Variants in PLCD1 observed in about 807,000 individuals in gnomAD.
PLCD1 encodes the protein 1-phosphatidylinositol 4,5-bisphosphate phosphodiesterase delta-1.
In PLCD1, 71 loss-of-function variants were observed where a neutral mutation model predicts 87.4. The observed-to-expected ratio is 0.81, with a 90% confidence interval of 0.67 to 0.99. The LOEUF (loss-of-function observed/expected upper bound fraction) is 0.99. PLCD1 is among the 50% of genes least tolerant of loss of function. PLCD1 has a pLI of 0.00. For synonymous variants in PLCD1, 348 were observed against 399.2 expected (o/e 0.87, Z 1.53); for missense variants, 867 against 1,001.5 (o/e 0.87, Z 1.81).
Position 38,024,377 on chromosome 3 carries a change from C to G in PLCD1, c.35-4025G>C, listed in dbSNP as rs759856146. The G allele has an allele frequency of 6.2e-7, 1 of 1,612,992 alleles. No individual in the cohort carries two copies. Among genetic ancestry groups the G allele is most frequent in the East Asian group, 2.2e-5 (1 of 44,868 alleles). On this transcript the variant is annotated intron_variant, in intron 1 of 14. Coordinates refer to ENST00000334661, the MANE Select transcript of PLCD1 (RefSeq NM_006225.4). Reference sequence around the variant, plus strand: ...TGAGCGCCGCCACCTTAAGGCTCCGCTCCTGCAGGTAGAGCTCCCTGGAGC... The same window carrying G: ...TGAGCGCCGCCACCTTAAGGCTCCGGTCCTGCAGGTAGAGCTCCCTGGAGC...
chr3:38,008,171 G>T lies in PLCD1; in HGVS notation c.2036-8C>A, dbSNP rs779895999. 2.1e-5 allele frequency: 34 copies of T among 1,613,514 alleles called. No homozygotes were observed. In the African/African-American group the frequency reaches 2.3e-4, roughly 11 times the overall value. On this transcript the variant is annotated splice_region_variant and splice_polypyrimidine_tract_variant and intron_variant, in intron 13 of 14. Transcript: ENST00000334661. ...CCCACCATGGGTTGAAACCTAGGGG[G>T]ACAGGCACCATATCAGCAGCATGGA... is the stretch of plus-strand genomic sequence containing the variant.
Position 38,016,582 on chromosome 3 carries a change from G to T in PLCD1, c.337C>A (p.Pro113Thr). The change falls in exon 3 of 15, where the codon CCA (proline) becomes ACA (threonine). Residue 113 changes from proline to threonine, a missense_variant. Physicochemically the swap from Pro to Thr is conservative, Grantham distance 38 (BLOSUM62 -1). Transcript: ENST00000334661. ...DQRNTLDLIA[P>T]SPADAQHWVL... ...CAGTGCTGGGCATCAGCTGGCGATG[G>T]GGCGATGAGGTCTAGTGTATTGCGC... The T allele has an allele frequency of 6.2e-7, 1 of 1,613,898 alleles. No individual in the cohort carries two copies. Among genetic ancestry groups the T allele is most frequent in the Admixed American group, 1.7e-5 (1 of 60,024 alleles).
chr3:38,024,013 C>T (rs1439119538), intron 1 of PLCD1: 1 of 338,332 alleles, frequency 3.0e-6, no homozygotes, highest in African/African-American at 2.2e-5. Flanking sequence ...TTGCAGATCA[C>T]CTCATTGGTT....
chr3:38,019,248 C>A (rs1227319276), intron 2 of PLCD1, among the ~76,000 whole-genome samples: 1 of 152,192 alleles, frequency 6.6e-6, no homozygotes, highest in African/African-American at 2.4e-5. Context: ...CTGCAATGAT[C>A]TATATGCACT....
chr3:38,021,432 T>C (rs993743461), intron 1 of PLCD1, among the ~76,000 whole-genome samples: 24 of 152,046 alleles, frequency 1.6e-4, no homozygotes, highest in African/African-American at 5.6e-4. Flanking sequence ...CTCTCAGAGG[T>C]GTGGGCTCCC....
In PLCD1 at chr3:38,008,334, T is replaced by C; in HGVS notation, c.1936A>G (p.Lys646Glu). ...GGGTCCACAATTGAATTCTTATTCT[T>C]GTTGACTTTTGGCAGCTGCTGCCCC... is the stretch of plus-strand genomic sequence containing the variant. ...ISGQQLPKVN[K>E]NKNSIVDPKV... is the part of the protein sequence containing the mutation. Residue 646 changes from lysine to glutamate, a missense_variant, in exon 13 of 15, where the codon AAG becomes GAG. Transcript: ENST00000334661. 1 of 1,614,220 alleles carries C rather than the reference T, an allele frequency of 6.2e-7. No homozygotes were observed. Among genetic ancestry groups the C allele is most frequent in the Non-Finnish European group, 8.5e-7 (1 of 1,180,036 alleles).
At position 38,009,762 on chromosome 3, in the gene PLCD1, A is replaced by G; in HGVS notation, c.1337T>C (p.Leu446Pro). The G allele has an allele frequency of 6.2e-7, 1 of 1,613,598 alleles. No individual in the cohort carries two copies. The highest frequency in any genetic ancestry group is 8.5e-7 in the Non-Finnish European group (1 of 1,179,624). The change falls in exon 9 of 15, where the codon CTG (leucine) becomes CCG (proline). Residue 446 changes from leucine to proline, a missense_variant. Transcript: ENST00000334661. Reference sequence around the variant, plus strand: ...AGGGCCACCCTCCCCTCCAGGGGGCAGGAGCCCCCCGAGCTTCTTCCCCTT... The same window carrying G: ...AGGGCCACCCTCCCCTCCAGGGGGCGGGAGCCCCCCGAGCTTCTTCCCCTT... Reference protein sequence around the residue: ...LLKGKKLGGLLPPGGEGGPEA... With the variant: ...LLKGKKLGGLPPPGGEGGPEA...
chr3:38,011,818 C>G (rs1163242865), intron 3 of PLCD1, 145 bp from the exon 4 acceptor site: 1 of 736,132 alleles, frequency 1.4e-6, no homozygotes, highest in Non-Finnish European at 2.4e-6. Context: ...TCAGTGGCCT[C>G]TTCAGAGGAA....
chr3:38,008,006 ACACT>A lies in PLCD1; in HGVS notation c.2185+4_2185+7del. On this transcript the variant is annotated splice_donor_5th_base_variant and intron_variant, in intron 14 of 14. Transcript: ENST00000334661. ...CCACCTTGGCCATCCCCTTCTCTTG[ACACT>A]CACCTTGCTTGAGGCTGTTCAAGGG... 3 of 1,614,092 alleles carry A rather than the reference ACACT, an allele frequency of 1.9e-6. No homozygotes were observed. The highest frequency in any genetic ancestry group is 1.1e-5 in the South Asian group (1 of 91,076).
At chr3:38,029,473 A>T (rs1486515383) in intron 1 of PLCD1, 33 bp downstream of exon 1, 2 of 1,534,718 alleles carry the variant, frequency 1.3e-6, no homozygotes, top group African/African-American at 2.7e-5. Context: ...CCACCCCTGC[A>T]GGGTCTCCCG....
Position 38,007,542 on chromosome 3 carries a change from C to G in PLCD1, c.*231G>C, listed in dbSNP as rs537593683. ...TAAAAATCCTTGACCACTCGCTGGC[C>G]GGAGGGTGGAGAGGGCTGCAGTGTT... On this transcript the variant is annotated 3_prime_UTR_variant, in exon 15 of 15. Transcript: ENST00000334661. 2 of 678,910 alleles carry G rather than the reference C, an allele frequency of 2.9e-6. No individual in the cohort carries two copies. The highest frequency in any genetic ancestry group is 4.1e-5 in the Admixed American group (2 of 49,300). The allele number at this position is 678,910 out of a possible 1,614,324, so 42.1% of individuals were successfully genotyped here. A position where few individuals can be genotyped will look rare whatever the true frequency, so the allele number is the denominator to read the frequency against.
At position 38,010,528 on chromosome 3, in the gene PLCD1, G is replaced by A. The variant is rs771251300; in HGVS notation, c.825C>T (p.Phe275=). 41 of 1,614,088 alleles carry A rather than the reference G, an allele frequency of 2.5e-5. No individual in the cohort carries two copies. The highest frequency in any genetic ancestry group is 3.2e-5 in the Non-Finnish European group (38 of 1,179,992). The change falls in exon 6 of 15, where the codon TTC becomes TTT. Residue 275 remains phenylalanine (F), a synonymous_variant. Transcript: ENST00000334661. ...KAQRQMTKDG[F]LMYLLSADGS... is the part of the protein sequence containing the mutation. The stretch of plus-strand genomic sequence containing the variant: ...CGTCAGCCGACAGTAAGTACATGAG[G>A]AAGCCGTCCTTGGTCATCTGCCGCT...
chr3:38,008,277 G>T lies in PLCD1; in HGVS notation c.1993C>A (p.Arg665=). Residue 665 remains arginine (R), a synonymous_variant, in exon 13 of 15, where the codon CGG becomes AGG. Coordinates refer to ENST00000334661, the MANE Select transcript of PLCD1 (RefSeq NM_006225.4). The part of the protein sequence containing the change: ...KVTVEIHGVS[R]DVASRQTAVI... ...GCAGTCTGGCGGCTGGCCACGTCCC[G>T]GCTCACGCCATGGATCTCCACTGTC... 1.2e-6 allele frequency: 2 copies of T among 1,614,166 alleles called. No homozygotes were observed. The highest frequency in any genetic ancestry group is 1.7e-6 in the Non-Finnish European group (2 of 1,180,032).
chr3:38,023,767 G>C (rs1700267442), intron 1 of PLCD1, among the ~76,000 whole-genome samples: 1 of 151,792 alleles, frequency 6.6e-6, no homozygotes, highest in Non-Finnish European at 1.5e-5. Context: ...TATCACAACA[G>C]ATCACACGCT....
intron 2 of PLCD1, among the ~76,000 whole-genome samples, chr3:38,019,307 A>T (rs1482204992): frequency 1.3e-5 from 2 of 152,236 alleles, no homozygotes; most frequent in African/African-American, 4.8e-5. Context: ...AATATAAATT[A>T]GTTAAAATTA....
At position 38,024,352 on chromosome 3, in the gene PLCD1, T is replaced by C. The variant is rs143961610; in HGVS notation, c.35-4000A>G. ...CGCCCCTTACCCAGCCTCCGTCCATTGAGCGCCGCCACCTTAAGGCTCCGC... is the reference window on the plus strand; with the variant it reads ...CGCCCCTTACCCAGCCTCCGTCCATCGAGCGCCGCCACCTTAAGGCTCCGC... On this transcript the variant is annotated intron_variant, in intron 1 of 14. Coordinates refer to ENST00000334661, the MANE Select transcript of PLCD1 (RefSeq NM_006225.4). 293 of 1,612,890 alleles carry C rather than the reference T, an allele frequency of 1.8e-4. No homozygotes were observed. In the African/African-American group the frequency reaches 3.4e-3, roughly 19 times the overall value.
At chr3:38,014,415 A>G (rs57385823) in intron 3 of PLCD1, among the ~76,000 whole-genome samples, 5,444 of 152,308 alleles carry the variant, frequency 0.036, 138 homozygotes, top group African/African-American at 0.075. Flanking sequence ...ACTCAGGCCC[A>G]GCGCAGTGGC....
rs776766242 is a variant in PLCD1 at position 38,008,658 on chromosome 3, C to T, written c.1724-22G>A. 8.1e-6 allele frequency: 13 copies of T among 1,612,300 alleles called. No individual in the cohort carries two copies. The South Asian group carries it at 1.4e-4, about 18-fold the overall frequency. On this transcript the variant is annotated intron_variant, in intron 11 of 14. Coordinates refer to ENST00000334661, the MANE Select transcript of PLCD1 (RefSeq NM_006225.4). ...GCCACTACAGGCAGGACAGAGCAGT[C>T]ACAGGCTGTGGGCTGGCCCTGGGGC...
At chr3:38,026,646 A>G (rs1478931163) in intron 1 of PLCD1, among the ~76,000 whole-genome samples, 1 of 151,676 alleles carries the variant, frequency 6.6e-6, no homozygotes. Context: ...GTGCCTGTGT[A>G]GCATGGGCCT....
Sources: gnomAD v4.1 joint callset for allele counts (sites outside exome capture counted in the v4.1 genomes callset) on GRCh38, gnomAD v4.1.1 for gene constraint, MANE v1.5 for transcripts, NCBI Gene and HGNC (gene_info 2026-07-23, HGNC 2026-07-21) for gene names.